Variants in PRKAA2 observed in about 807,000 individuals in gnomAD.
The protein encoded by PRKAA2 is 5'-AMP-activated protein kinase catalytic subunit alpha-2.
PRKAA2 carries 40 observed loss-of-function variants against 56.3 expected under a neutral mutation model. The ratio of observed to expected loss-of-function variants is 0.71; its 90% CI spans 0.55 to 0.92. The LOEUF (loss-of-function observed/expected upper bound fraction) is 0.92, where lower values mean the gene tolerates loss of function less well. Ranked by LOEUF, PRKAA2 falls within the 40% of genes least tolerant of loss-of-function variation. PRKAA2 has a pLI of 0.00. For synonymous variants in PRKAA2, 214 were observed against 234.2 expected (o/e 0.91, Z 0.79); for missense variants, 542 against 686.9 (o/e 0.79, Z 2.36).
At chr1:56,688,631 A>G (rs1183607928) in intron 2 of PRKAA2, among the ~76,000 whole-genome samples, 2 of 152,216 alleles carry the variant, frequency 1.3e-5, no homozygotes, top group South Asian at 2.1e-4. Context: ...GAGGTACAGC[A>G]TGACTAACAC....
intron 6 of PRKAA2, among the ~76,000 whole-genome samples, chr1:56,697,800 T>C (rs1644268491): frequency 6.7e-6 from 1 of 150,118 alleles, no homozygotes. Context: ...CCATCTATAT[T>C]AAAATTTTTT....
chr1:56,648,263 T>C (rs1022956422), intron 1 of PRKAA2, among the ~76,000 whole-genome samples: 2 of 152,230 alleles, frequency 1.3e-5, no homozygotes, highest in African/African-American at 2.4e-5. Flanking sequence ...ATCTGTTTTC[T>C]GCCTGTATAA....
At chr1:56,681,315 A>C (rs570892697) in intron 2 of PRKAA2, among the ~76,000 whole-genome samples, 6 of 152,122 alleles carry the variant, frequency 3.9e-5, no homozygotes, top group Non-Finnish European at 1.5e-5. Context: ...TTGCCTATTC[A>C]CTCTGATGGT....
intron 2 of PRKAA2, among the ~76,000 whole-genome samples, chr1:56,687,536 TTAA>T (rs1644200576): frequency 6.6e-6 from 1 of 152,132 alleles, no homozygotes; most frequent in Non-Finnish European, 1.5e-5. Context: ...GATCCCTATA[TTAA>T]TTAGTTGGAA....
intron 7 of PRKAA2, among the ~76,000 whole-genome samples, chr1:56,704,721 A>G (rs943749818): frequency 6.6e-6 from 1 of 152,182 alleles, no homozygotes. Flanking sequence ...CTGAGAAAAT[A>G]GCTTACCAGT....
chr1:56,699,753 T>C (rs1488208750), intron 6 of PRKAA2, among the ~76,000 whole-genome samples: 1 of 152,168 alleles, frequency 6.6e-6, no homozygotes, highest in African/African-American at 2.4e-5. Flanking sequence ...TAATAGTCAC[T>C]CCCCATTTCC....
intron 1 of PRKAA2, among the ~76,000 whole-genome samples, chr1:56,669,381 C>A (rs991694818): frequency 6.6e-6 from 1 of 151,908 alleles, no homozygotes; most frequent in Non-Finnish European, 1.5e-5. Flanking sequence ...ATCACTTGAA[C>A]CCGGGAGGCA....
chr1:56,666,979 A>C (rs1644040838), intron 1 of PRKAA2, among the ~76,000 whole-genome samples: 1 of 152,180 alleles, frequency 6.6e-6, no homozygotes, highest in Non-Finnish European at 1.5e-5. Flanking sequence ...ACCATCGTAC[A>C]AAATTCTTGA....
intron 1 of PRKAA2, among the ~76,000 whole-genome samples, chr1:56,652,008 A>ATT (rs35462805): frequency 1.8e-3 from 191 of 106,514 alleles, no homozygotes; most frequent in African/African-American, 6.1e-3. Context: ...CGCCTGGCTA[A>ATT]TTTTTTTTTT....
chr1:56,645,788 C>T lies in PRKAA2; in HGVS notation c.94+307C>T, dbSNP rs74494669. On this transcript the variant is annotated intron_variant, in intron 1 of 8. Transcript: ENST00000371244. ...CAAGGCACTTCTGTGTTCTCTGGAC[C>T]TCAGTGTCCTCCTCTGCAAAATCGG... 1.4e-4 allele frequency among the ~76,000 whole-genome samples: 21 copies of T among 152,268 alleles called. No homozygotes were observed. In the East Asian group the frequency reaches 3.7e-3, roughly 27 times the overall value.
chr1:56,647,357 T>C (rs1471949084), intron 1 of PRKAA2, among the ~76,000 whole-genome samples: 2 of 152,230 alleles, frequency 1.3e-5, no homozygotes, highest in African/African-American at 4.8e-5. Context: ...CCCTATGTCC[T>C]TTCATATTGT....
intron 1 of PRKAA2, among the ~76,000 whole-genome samples, chr1:56,647,462 A>G (rs1646652443): frequency 6.6e-6 from 1 of 152,218 alleles, no homozygotes; most frequent in Non-Finnish European, 1.5e-5. Context: ...TGCCAAAGAC[A>G]ACTTAAATCT....
At chr1:56,691,582 A>G in intron 3 of PRKAA2, 95 bp downstream of exon 3, 1 of 982,512 alleles carries the variant, frequency 1.0e-6, no homozygotes, top group East Asian at 2.9e-5. Context: ...TCAAGGTTGA[A>G]GTTGCTTTTA....
rs759783911 is a variant in PRKAA2, at chr1:56,674,535, G to A, written c.236+13G>A. 2.0e-6 allele frequency: 3 copies of A among 1,465,246 alleles called. No individual in the cohort carries two copies. Among genetic ancestry groups the A allele is most frequent in the Admixed American group, 4.5e-5 (2 of 44,164 alleles). The allele number at this position is 1,465,246 out of a possible 1,614,324, so 90.8% of individuals were successfully genotyped here. ...ATATTATCAAACTGTAAGTATTTTT[G>A]TATCTAATAATACCAAAGAGACACC... On this transcript the variant is annotated intron_variant, in intron 2 of 8. Transcript: ENST00000371244.
intron 2 of PRKAA2, among the ~76,000 whole-genome samples, chr1:56,680,217 A>C (rs568580205): frequency 6.6e-6 from 1 of 151,820 alleles, no homozygotes; most frequent in South Asian, 2.1e-4. Context: ...TTAGGCTCTA[A>C]CTCCTCTTTG....
chr1:56,683,637 T>G (rs1644171504), intron 2 of PRKAA2, among the ~76,000 whole-genome samples: 2 of 151,994 alleles, frequency 1.3e-5, no homozygotes, highest in African/African-American at 4.8e-5. Context: ...GGTGGGGAAA[T>G]AGACAATAAA....
chr1:56,703,909 T>G (rs1261253569), intron 6 of PRKAA2, 62 bp from the exon 7 acceptor site: 106 of 1,479,324 alleles, frequency 7.2e-5, no homozygotes, highest in Non-Finnish European at 9.2e-5. Context: ...TTGCCCTATG[T>G]CTAAATTATT....
At chr1:56,651,132 G>A (rs1263333828) in intron 1 of PRKAA2, among the ~76,000 whole-genome samples, 1 of 152,040 alleles carries the variant, frequency 6.6e-6, no homozygotes, top group Non-Finnish European at 1.5e-5. Flanking sequence ...AATCTGTGAG[G>A]TCCTTTACAA....
chr1:56,658,052 C>A (rs1643959896), intron 1 of PRKAA2, among the ~76,000 whole-genome samples: 1 of 152,080 alleles, frequency 6.6e-6, no homozygotes, highest in Non-Finnish European at 1.5e-5. Flanking sequence ...GTTCTAAAGT[C>A]CTTGCTTTGT....
Sources: gnomAD v4.1 joint callset for allele counts (sites outside exome capture counted in the v4.1 genomes callset) on GRCh38, gnomAD v4.1.1 for gene constraint, MANE v1.5 for transcripts, NCBI Gene and HGNC (gene_info 2026-07-23, HGNC 2026-07-21) for gene names.